Variants in GPBP1 observed in about 807,000 individuals in gnomAD.
GPBP1 encodes the protein GC-rich promoter binding protein 1.
GPBP1 carries 13 observed loss-of-function variants against 56.5 expected under a neutral mutation model. The ratio of observed to expected loss-of-function variants is 0.23; its 90% CI spans 0.15 to 0.37. The LOEUF (loss-of-function observed/expected upper bound fraction) is 0.37. Among genes scored for constraint, GPBP1 ranks in the 10% least tolerant of loss-of-function variants. The pLI is 1.00. For missense variants in GPBP1, 477 were observed against 572.3 expected, an observed-to-expected ratio of 0.83 and a Z score of 1.70; for synonymous variants, 204 against 188.9, an observed-to-expected ratio of 1.08 and a Z score of -0.66.
intron 2 of GPBP1, among the ~76,000 whole-genome samples, chr5:57,187,878 A>G (rs932199450): frequency 7.4e-6 from 1 of 135,930 alleles, no homozygotes; most frequent in African/African-American, 2.6e-5. Context: ...CAGAAGAAGC[A>G]GAAACCAGAT....
intron 2 of GPBP1, among the ~76,000 whole-genome samples, chr5:57,188,086 A>G (rs1031027254): frequency 6.6e-6 from 1 of 151,954 alleles, no homozygotes; most frequent in African/African-American, 2.4e-5. Flanking sequence ...CTACCAAAAA[A>G]TACAAAAATT....
chr5:57,222,563 A>G (rs1055425409), intron 3 of GPBP1, among the ~76,000 whole-genome samples: 1 of 152,080 alleles, frequency 6.6e-6, no homozygotes, highest in Non-Finnish European at 1.5e-5. Flanking sequence ...GTATCTTTCT[A>G]TAGTCAGTCA....
intron 5 of GPBP1, 80 bp downstream of exon 5, chr5:57,231,401 G>A (rs1756454308): frequency 9.2e-7 from 1 of 1,090,514 alleles, no homozygotes; most frequent in South Asian, 1.5e-5. Flanking sequence ...AGCCTCTCCA[G>A]TATCTGGGAT....
chr5:57,197,073 G>A (rs374646207), intron 2 of GPBP1, among the ~76,000 whole-genome samples: 24 of 151,668 alleles, frequency 1.6e-4, no homozygotes, highest in African/African-American at 5.8e-4. Context: ...GAGCCACCAC[G>A]CCCGACCTGT....
At chr5:57,238,817 T>C (rs1449798330) in intron 6 of GPBP1, among the ~76,000 whole-genome samples, 1 of 152,242 alleles carries the variant, frequency 6.6e-6, no homozygotes, top group Non-Finnish European at 1.5e-5. Context: ...TAGCTCATAT[T>C]TGATATACTA....
At chr5:57,183,765 ATTTTTT>A (rs34608817) in intron 2 of GPBP1, among the ~76,000 whole-genome samples, 5 of 133,282 alleles carry the variant, frequency 3.8e-5, no homozygotes, top group South Asian at 4.7e-4. Flanking sequence ...GGGGATATGA[ATTTTTT>A]TTTTTTTTTT....
At chr5:57,215,021 T>G (rs1286738882) in intron 3 of GPBP1, among the ~76,000 whole-genome samples, 3 of 152,222 alleles carry the variant, frequency 2.0e-5, no homozygotes, top group Admixed American at 1.3e-4. Context: ...AAGCCATTTA[T>G]TTCAAAGTTG....
chr5:57,217,111 C>CT (rs1755729814), intron 3 of GPBP1, among the ~76,000 whole-genome samples: 1 of 152,060 alleles, frequency 6.6e-6, no homozygotes, highest in African/African-American at 2.4e-5. Context: ...TAGAAATGGA[C>CT]TTTTTTGATA....
intron 2 of GPBP1, among the ~76,000 whole-genome samples, chr5:57,176,850 T>G (rs1753807988): frequency 6.6e-6 from 1 of 152,200 alleles, no homozygotes. Flanking sequence ...TGCAGTTTAG[T>G]GTTGCATTTG....
chr5:57,261,307 T>C (rs767276417), intron 11 of GPBP1, 25 bp downstream of exon 11: 3 of 1,335,248 alleles, frequency 2.2e-6, no homozygotes, highest in East Asian at 4.6e-5. Context: ...ATCATACAAC[T>C]TCACTTTTAA....
At chr5:57,225,507 A>C (rs1756146037) in intron 3 of GPBP1, among the ~76,000 whole-genome samples, 1 of 141,522 alleles carries the variant, frequency 7.1e-6, no homozygotes, top group African/African-American at 2.7e-5. Context: ...AAAAAAAAAA[A>C]AAAACAAACT....
chr5:57,231,355 T>G, intron 5 of GPBP1, 34 bp downstream of exon 5: 1 of 1,533,862 alleles, frequency 6.5e-7, no homozygotes, highest in Non-Finnish European at 9.0e-7. Context: ...CAAATGAAGT[T>G]TCTGTAAGTG....
At chr5:57,181,365 C>T (rs1036561790) in intron 2 of GPBP1, among the ~76,000 whole-genome samples, 6 of 150,572 alleles carry the variant, frequency 4.0e-5, no homozygotes, top group Non-Finnish European at 8.8e-5. Context: ...GAGATGAGGC[C>T]GGATGCCTCG....
rs1753782813 is a variant in GPBP1 at position 57,176,207 on chromosome 5, G to A, written c.-251G>A. 2.6e-6 allele frequency: 1 copy of A among 391,580 alleles called. No homozygotes were observed. Among genetic ancestry groups the A allele is most frequent in the African/African-American group, 2.1e-5 (1 of 48,510 alleles). The allele number at this position is 391,580 out of a possible 1,614,324, so 24.3% of individuals were successfully genotyped here. A position where few individuals can be genotyped will look rare whatever the true frequency, so the allele number is the denominator to read the frequency against. ...TCTAAAGAACTTGGCTAATTCGGGAGATAGCCATATGAAAACTTTAAAACA... is the reference window on the plus strand; with the variant it reads ...TCTAAAGAACTTGGCTAATTCGGGAAATAGCCATATGAAAACTTTAAAACA... On this transcript the variant is annotated 5_prime_UTR_variant, in exon 2 of 12. Transcript: ENST00000506184.
intron 6 of GPBP1, among the ~76,000 whole-genome samples, chr5:57,239,691 A>G (rs1740729123): frequency 6.6e-6 from 1 of 152,058 alleles, no homozygotes; most frequent in African/African-American, 2.4e-5. Context: ...GAGGCATGAA[A>G]ATCGCTTGAA....
At chr5:57,246,127 T>C in intron 6 of GPBP1, 173 bp from the exon 7 acceptor site, 2 of 502,572 alleles carry the variant, frequency 4.0e-6, no homozygotes, top group Non-Finnish European at 7.1e-6. Flanking sequence ...GTTTTAGCTT[T>C]ACTTGTTCAA....
rs1199964817 is a variant in GPBP1 at position 57,193,325 on chromosome 5, A to G, written c.-58+16925A>G. Among the ~76,000 whole-genome samples, 6 of 152,008 alleles carry G rather than the reference A, an allele frequency of 3.9e-5. No individual in the cohort carries two copies. In the South Asian group the frequency reaches 1.2e-3, roughly 31 times the overall value. ...GAGTGAAACTCCATCTCAAAAAGAA[A>G]CTGCCTAGGCCGAGTGCCGTGGCTT... is the stretch of plus-strand genomic sequence containing the variant. On this transcript the variant is annotated intron_variant, in intron 2 of 11. Coordinates refer to ENST00000506184, the MANE Select transcript of GPBP1 (RefSeq NM_022913.4).
chr5:57,183,924 T>C (rs1324851836), intron 2 of GPBP1, among the ~76,000 whole-genome samples: 1 of 151,882 alleles, frequency 6.6e-6, no homozygotes, highest in African/African-American at 2.4e-5. Flanking sequence ...CACAGGTGAG[T>C]GCTGCCATGT....
chr5:57,257,089 C>T (rs539837276), intron 10 of GPBP1, among the ~76,000 whole-genome samples: 12 of 151,514 alleles, frequency 7.9e-5, no homozygotes, highest in African/African-American at 2.2e-4. Flanking sequence ...GCTGGAGTAC[C>T]GTGGTGTGAC....
Sources: allele counts gnomAD v4.1 joint callset (sites outside exome capture counted in the v4.1 genomes callset), GRCh38; gene constraint gnomAD v4.1.1; transcripts MANE v1.5; gene names NCBI Gene and HGNC (gene_info 2026-07-23, HGNC 2026-07-21).